DHX16: variants seen among roughly 807,000 people sequenced by gnomAD.
DHX16 encodes DEAH-box helicase 16.
In DHX16, 81 loss-of-function variants were observed where a neutral mutation model predicts 131.2. The observed-to-expected ratio is 0.62, with a 90% CI of 0.52 to 0.74. The LOEUF (loss-of-function observed/expected upper bound fraction) is 0.74. DHX16 is among the 30% of genes least tolerant of loss of function. The pLI is 0.00. For synonymous variants in DHX16, 440 were observed against 520.2 expected, an observed-to-expected ratio of 0.85 and a Z score of 2.10; for missense variants, 980 against 1,363.1, an observed-to-expected ratio of 0.72 and a Z score of 4.43.
chr6:30,654,929 G>A, intron 18 of DHX16, 50 bp from the exon 19 acceptor site: 1 of 1,570,524 alleles, frequency 6.4e-7, no homozygotes, highest in Non-Finnish European at 8.7e-7. Context: ...GACATCTGGG[G>A]ACCCTAAGAA....
In DHX16 at chr6:30,656,514, A is replaced by G; in HGVS notation, c.2312-5T>C. 6.2e-7 allele frequency: 1 copy of G among 1,614,150 alleles called. No homozygotes were observed. Among genetic ancestry groups the G allele is most frequent in the Non-Finnish European group, 8.5e-7 (1 of 1,180,000 alleles). On this transcript the variant is annotated splice_region_variant and splice_polypyrimidine_tract_variant and intron_variant, in intron 14 of 19. Transcript: ENST00000376442. This position sits in a 1 kb window ranked among gnomAD's most constrained non-coding sequence, Gnocchi z 5.1. Reference sequence around the variant, plus strand: ...AGTGCATTAGGTCATGGATCCCTAGAAAGAGGTGTGATGGATGGAACAGAG... The same window carrying G: ...AGTGCATTAGGTCATGGATCCCTAGGAAGAGGTGTGATGGATGGAACAGAG...
intron 4 of DHX16, among the ~76,000 whole-genome samples, chr6:30,666,475 C>T (rs1193126882): frequency 6.6e-6 from 1 of 152,180 alleles, no homozygotes; most frequent in Non-Finnish European, 1.5e-5. Flanking sequence ...ACATCATCCT[C>T]TCTGTGATCA....
chr6:30,653,227 G>A lies in DHX16; in HGVS notation c.*15C>T. 6.2e-7 allele frequency: 1 copy of A among 1,611,488 alleles called. No individual in the cohort carries two copies. The highest frequency in any genetic ancestry group is 8.5e-7 in the Non-Finnish European group (1 of 1,179,568). On this transcript the variant is annotated 3_prime_UTR_variant, in exon 20 of 20. Coordinates refer to ENST00000376442, the MANE Select transcript of DHX16 (RefSeq NM_003587.5). ...GGAAAAGGAGCTGGTGTCAGGTTCT[G>A]TTTACGTCCTTCTCTTACCCTAGCT...
chr6:30,659,348 C>G lies in DHX16; in HGVS notation c.2007+124G>C, dbSNP rs183694119. ...TCTCTTCAGTCCCAGGAACAAGGGA[C>G]TGGCTGCTCCTCAGCTGTGTGCAGC... is the stretch of plus-strand genomic sequence containing the variant. On this transcript the variant is annotated intron_variant, in intron 12 of 19. Transcript: ENST00000376442. The G allele has an allele frequency of 4.7e-6, 5 of 1,057,040 alleles. No homozygotes were observed. In the East Asian group the frequency reaches 1.3e-4, roughly 28 times the overall value. The allele number at this position is 1,057,040 out of a possible 1,614,324, so 65.5% of individuals were successfully genotyped here. A position where few individuals can be genotyped will look rare whatever the true frequency, so the allele number is the denominator to read the frequency against.
intron 1 of DHX16, 61 bp from the exon 2 acceptor site, chr6:30,671,335 A>G: frequency 6.8e-7 from 1 of 1,474,976 alleles, no homozygotes; most frequent in Non-Finnish European, 9.3e-7. Context: ...CCTCCCACTT[A>G]GCTCTGTTCC....
In DHX16 at chr6:30,662,843, G is replaced by T; in HGVS notation, c.1428+68C>A. The T allele has an allele frequency of 6.4e-7, 1 of 1,557,052 alleles. No homozygotes were observed. Among genetic ancestry groups the T allele is most frequent in the Non-Finnish European group, 8.8e-7 (1 of 1,130,922 alleles). On this transcript the variant is annotated intron_variant, in intron 8 of 19. Transcript: ENST00000376442. This position sits in a 1 kb window ranked among gnomAD's most constrained non-coding sequence, Gnocchi z 4.7. The stretch of plus-strand genomic sequence containing the variant: ...GCAGCACCAAGACTTCTGCTGTAGG[G>T]ACCTGAGGGAACTGTAGACTGAGTC...
intron 16 of DHX16, among the ~76,000 whole-genome samples, 181 bp from the exon 17 acceptor site, chr6:30,655,778 G>A (rs1767926883): frequency 6.6e-6 from 1 of 152,086 alleles, no homozygotes; most frequent in African/African-American, 2.4e-5. Context: ...AGGAAGTAGG[G>A]GCCATAGATG....
rs184165732 is a variant in DHX16 at position 30,671,902 on chromosome 6, C to T, written c.208-628G>A. 4.7e-3 allele frequency among the ~76,000 whole-genome samples: 715 copies of T among 151,574 alleles called. 4 individuals are homozygous for T. The highest frequency in any genetic ancestry group is 0.014 in the African/African-American group (565 of 41,338). ...TTCGCCATGTTGCCCAGGCTGGTCT[C>T]GAACTCCTGGGCTCAAGTAATCCTC... is the stretch of plus-strand genomic sequence containing the variant. On this transcript the variant is annotated intron_variant, in intron 1 of 19. Transcript: ENST00000376442.
rs750874254 is a variant in DHX16, at chr6:30,659,721, C to G, written c.1854+15G>C. ...CCTGGGATACATCATCCCCTCTCCC[C>G]ACCATGTCAGGCACCTGTCCTGTCA... On this transcript the variant is annotated intron_variant, in intron 11 of 19. Transcript: ENST00000376442. 8 of 1,613,644 alleles carry G rather than the reference C, an allele frequency of 5.0e-6. No individual in the cohort carries two copies. The highest frequency in any genetic ancestry group is 6.8e-6 in the Non-Finnish European group (8 of 1,179,718).
Position 30,670,950 on chromosome 6 carries a change from C to A in DHX16, c.449G>T (p.Gly150Val). ...TGGCTTCTCTGTCTGCTGTTTACTC[C>A]CCCTGCAGCCCATCCAGGGGATTAA... Reference protein sequence around the residue: ...ASEKGKKKTGGSKQQTEKPES... With the variant: ...ASEKGKKKTGVSKQQTEKPES... Residue 150 changes from glycine (G) to valine (V), a missense_variant and splice_region_variant, in exon 3 of 20, where the codon GGG becomes GTG. Physicochemically the swap from Gly to Val is moderately radical, Grantham distance 109 (BLOSUM62 -3). Around this residue, in one of 3 missense-constraint regions of DHX16, gnomAD observed 457 missense variants for 554.8 expected, o/e 0.82. Coordinates refer to ENST00000376442, the MANE Select transcript of DHX16 (RefSeq NM_003587.5). This position sits in a 1 kb window ranked among gnomAD's most constrained non-coding sequence, Gnocchi z 4.4. 3 of 1,613,084 alleles carry A rather than the reference C, an allele frequency of 1.9e-6. No homozygotes were observed. Among genetic ancestry groups the A allele is most frequent in the Non-Finnish European group, 1.7e-6 (2 of 1,180,030 alleles).
At chr6:30,663,578 G>T (rs566176462) in intron 7 of DHX16, among the ~76,000 whole-genome samples, 1 of 151,652 alleles carries the variant, frequency 6.6e-6, no homozygotes, top group Non-Finnish European at 1.5e-5. Flanking sequence ...AAAATTAGCC[G>T]AGCATGGTGG....
Position 30,656,530 on chromosome 6 carries a change from T to C in DHX16, c.2312-21A>G. On this transcript the variant is annotated intron_variant, in intron 14 of 19. Transcript: ENST00000376442. The surrounding 1 kb of genome is among the most constrained non-coding windows in gnomAD (Gnocchi z 5.1). ...GATCCCTAGAAAGAGGTGTGATGGA[T>C]GGAACAGAGTCCCTTCAAAGGACAG... The C allele has an allele frequency of 8.7e-6, 14 of 1,614,090 alleles. No homozygotes were observed. Among genetic ancestry groups the C allele is most frequent in the Non-Finnish European group, 1.2e-5 (14 of 1,179,956 alleles).
chr6:30,671,231 T>A lies in DHX16; in HGVS notation c.251A>T (p.Glu84Val). The A allele has an allele frequency of 1.2e-6, 2 of 1,613,054 alleles. No homozygotes were observed. Among genetic ancestry groups the A allele is most frequent in the Non-Finnish European group, 1.7e-6 (2 of 1,180,022 alleles). Residue 84 changes from glutamate (E) to valine (V), a missense_variant, in exon 2 of 20, where the codon GAG becomes GTG. Transcript: ENST00000376442. ...CTCCAGCAGGGCCCGGGCCTCTCGC[T>A]CTGCTGCCCGAGCTGGCTTTTCTAC... ...AVVEKPARAA[E>V]REARALLEKN...
At chr6:30,661,504 G>C (rs746387908) in intron 9 of DHX16, among the ~76,000 whole-genome samples, 5 of 152,178 alleles carry the variant, frequency 3.3e-5, no homozygotes, top group Non-Finnish European at 7.3e-5. Flanking sequence ...AGAAGCTCCT[G>C]GTGTCCTGTG....
chr6:30,671,258 A>T lies in DHX16; in HGVS notation c.224T>A (p.Val75Glu), dbSNP rs1210344247. Residue 75 changes from valine to glutamate, a missense_variant, in exon 2 of 20, where the codon GTG becomes GAG. Physicochemically the swap from Val to Glu is moderately radical, Grantham distance 121. Around this residue, in one of 3 missense-constraint regions of DHX16, gnomAD observed 457 missense variants for 554.8 expected, o/e 0.82. Transcript: ENST00000376442. ...TGCTGCCCGAGCTGGCTTTTCTACC[A>T]CTGCCTTTCGTGGTACCTGTCAGTA... ...RLWNKVPRKA[V>E]VEKPARAAER... The T allele has an allele frequency of 6.2e-7, 1 of 1,612,722 alleles. No homozygotes were observed. Among genetic ancestry groups the T allele is most frequent in the Non-Finnish European group, 8.5e-7 (1 of 1,179,990 alleles).
At position 30,665,386 on chromosome 6, in the gene DHX16, AAG is replaced by A; in HGVS notation, c.921+91_921+92del. ...GCCCATTGGGAACGGCAAGGCAAGAAAGGGGATGACCCACGTGTTGCCCAATC... is the reference window on the plus strand; with the variant it reads ...GCCCATTGGGAACGGCAAGGCAAGAAGGGATGACCCACGTGTTGCCCAATC... On this transcript the variant is annotated intron_variant, in intron 5 of 19. Transcript: ENST00000376442. The surrounding 1 kb of genome is among the most constrained non-coding windows in gnomAD (Gnocchi z 4.8). 6.3e-7 allele frequency: 1 copy of A among 1,583,114 alleles called. No individual in the cohort carries two copies. Among genetic ancestry groups the A allele is most frequent in the Non-Finnish European group, 8.6e-7 (1 of 1,164,262 alleles).
At chr6:30,657,675 G>A (rs975437184) in intron 12 of DHX16, among the ~76,000 whole-genome samples, 7 of 152,022 alleles carry the variant, frequency 4.6e-5, no homozygotes, top group Admixed American at 3.9e-4. Flanking sequence ...CCAAGTAAGT[G>A]CACTCCTCAC....
chr6:30,657,110 G>A lies in DHX16; in HGVS notation c.2008-18C>T, dbSNP rs1582932023. 2 of 1,600,004 alleles carry A rather than the reference G, an allele frequency of 1.3e-6. No individual in the cohort carries two copies. Among genetic ancestry groups the A allele is most frequent in the Non-Finnish European group, 1.7e-6 (2 of 1,173,684 alleles). On this transcript the variant is annotated intron_variant, in intron 12 of 19. Coordinates refer to ENST00000376442, the MANE Select transcript of DHX16 (RefSeq NM_003587.5). ...ACAACCACCTGAGTGATAGGATATG[G>A]GGTCACCCAGTGACCCCACCTACCT...
At chr6:30,668,629 C>T (rs1272772412) in intron 4 of DHX16, among the ~76,000 whole-genome samples, 1 of 151,658 alleles carries the variant, frequency 6.6e-6, no homozygotes, top group Admixed American at 6.6e-5. Flanking sequence ...CCAGCCTGGG[C>T]GACAGAATGA....
Sources: allele counts gnomAD v4.1 joint callset (sites outside exome capture counted in the v4.1 genomes callset), GRCh38; gene constraint gnomAD v4.1.1; regional missense constraint gnomAD v4.1.1; non-coding constraint Gnocchi (gnomAD v3.1); transcripts MANE v1.5; gene names NCBI Gene and HGNC (gene_info 2026-07-23, HGNC 2026-07-21).